The following TEKTL1 variants were observed in gnomAD, a reference collection of about 807,000 sequenced individuals.
TEKTL1 encodes tektin like 1, also known as tektin-like protein 1.
At chr19:15,015,323 G>T in the TEKTL1 span, among the ~76,000 whole-genome samples, 2 of 152,186 alleles carry the variant, frequency 1.3e-5, no homozygotes, top group Non-Finnish European at 2.9e-5. Context: ...TTAAAATCAT[G>T]AAGTCAAACC....
the TEKTL1 span, chr19:15,021,828 T>TGGAGACCGCAGAAAAGCTGGAC: frequency 6.2e-7 from 1 of 1,614,062 alleles, no homozygotes; most frequent in East Asian, 2.2e-5. Context: ...AAAGTTCACC[T>TGGAGACCGCAGAAAAGCTGGAC]GGAGACCGCA....
the TEKTL1 span, chr19:15,022,814 T>G: frequency 2.2e-5 from 34 of 1,523,094 alleles, no homozygotes; most frequent in African/African-American, 3.6e-4. Flanking sequence ...AGGTGTGCCT[T>G]CCCACGCCAG....
chr19:15,022,774 A>G, the TEKTL1 span: 43 of 1,267,108 alleles, frequency 3.4e-5, no homozygotes, highest in African/African-American at 5.9e-4. Context: ...TCCCCTCCTC[A>G]GCTGTGTTCC....
the TEKTL1 span, chr19:15,022,951 C>T: frequency 1.1e-5 from 17 of 1,612,820 alleles, no homozygotes; most frequent in South Asian, 3.3e-5. Context: ...AGAACCTCAG[C>T]TGGGGCCTCA....
the TEKTL1 span, chr19:15,011,224 G>A: frequency 6.8e-7 from 1 of 1,476,672 alleles, no homozygotes; most frequent in Non-Finnish European, 8.9e-7. Flanking sequence ...CGCGTGGAGC[G>A]CGCCTCACCG....
chr19:15,013,768 C>G, the TEKTL1 span: 1 of 1,610,554 alleles, frequency 6.2e-7, no homozygotes, highest in Non-Finnish European at 8.5e-7. Context: ...ATCAGAGGTC[C>G]TACTCAAGGT....
the TEKTL1 span, chr19:15,021,498 G>A: frequency 3.7e-6 from 6 of 1,614,040 alleles, no homozygotes; most frequent in African/African-American, 5.3e-5. Context: ...CGCAGAAGGC[G>A]AGCGAGACCT....
chr19:15,023,166 G>C, the TEKTL1 span: 1 of 1,508,986 alleles, frequency 6.6e-7, no homozygotes, highest in Non-Finnish European at 8.8e-7. Context: ...ATGCTGGCTG[G>C]GACCTCGGAG....
chr19:15,016,188 T>G, the TEKTL1 span, among the ~76,000 whole-genome samples: 1 of 70,410 alleles, frequency 1.4e-5, no homozygotes, highest in Non-Finnish European at 3.8e-5. Context: ...AGCTGTCCTT[T>G]TTTTTTTTTT....
the TEKTL1 span, chr19:15,011,413 G>A: frequency 5.7e-6 from 8 of 1,408,638 alleles, no homozygotes; most frequent in African/African-American, 1.5e-5. Context: ...CCTCCCCCAC[G>A]CCCAACCCCA....
At chr19:15,021,153 T>G in the TEKTL1 span, among the ~76,000 whole-genome samples, 2 of 151,982 alleles carry the variant, frequency 1.3e-5, no homozygotes, top group African/African-American at 4.8e-5. Context: ...AGTGCTGGGA[T>G]TACAGGTTAC....
chr19:15,023,013 T>A, the TEKTL1 span: 1 of 1,612,788 alleles, frequency 6.2e-7, no homozygotes, highest in Admixed American at 1.7e-5. Flanking sequence ...CGCCTGCGCC[T>A]GCGCCAGCGG....
chr19:15,019,271 G>A, the TEKTL1 span, among the ~76,000 whole-genome samples: 12 of 152,148 alleles, frequency 7.9e-5, no homozygotes, highest in Non-Finnish European at 1.3e-4. Flanking sequence ...TTTTTTCACA[G>A]TGTGTTTATA....
the TEKTL1 span, chr19:15,011,031 A>C: frequency 6.3e-7 from 1 of 1,580,264 alleles, no homozygotes; most frequent in Non-Finnish European, 8.6e-7. Flanking sequence ...GCCTACATCC[A>C]GCCCTGGCGC....
chr19:15,018,419 A>G, the TEKTL1 span, among the ~76,000 whole-genome samples: 2 of 151,676 alleles, frequency 1.3e-5, no homozygotes, highest in Admixed American at 6.6e-5. Flanking sequence ...ATTTTAAGAC[A>G]TTTCTCTAGC....
the TEKTL1 span, chr19:15,021,456 G>T: frequency 6.2e-7 from 1 of 1,614,134 alleles, no homozygotes; most frequent in East Asian, 2.2e-5. Flanking sequence ...AGCAACAGCT[G>T]CAGATAAGCG....
the TEKTL1 span, chr19:15,023,084 C>T: frequency 6.2e-7 from 1 of 1,607,900 alleles, no homozygotes; most frequent in South Asian, 1.1e-5. Flanking sequence ...CCCGCGCACG[C>T]CGCCGCCGCG....
At chr19:15,014,731 CGGGGGGCG>C in the TEKTL1 span, among the ~76,000 whole-genome samples, 2 of 11,778 alleles carry the variant, frequency 1.7e-4, no homozygotes, top group African/African-American at 9.0e-4. Flanking sequence ...AGTGGGGGGG[CGGGGGGCG>C]GGGGCTGCTG....
At chr19:15,011,322 G>T in the TEKTL1 span, 1 of 1,516,144 alleles carries the variant, frequency 6.6e-7, no homozygotes, top group Non-Finnish European at 8.8e-7. Context: ...CACAGGCTCA[G>T]CGAAGTGCGC....
Sources: allele counts gnomAD v4.1 joint callset (sites outside exome capture counted in the v4.1 genomes callset), GRCh38; gene constraint gnomAD v4.1.1; transcripts MANE v1.5; gene names NCBI Gene and HGNC (gene_info 2026-07-23, HGNC 2026-07-21).